TBC1D8B: variants seen among roughly 807,000 people sequenced by gnomAD.
The protein encoded by TBC1D8B is RP11-321G1.1.
Under a neutral mutation model 82.9 loss-of-function variants are expected in TBC1D8B, and 75 were observed. The ratio of observed to expected loss-of-function variants is 0.90; its 90% CI spans 0.75 to 1.10. TBC1D8B has a LOEUF of 1.10. TBC1D8B is among the 50% of genes least tolerant of loss of function. The pLI, the probability that TBC1D8B is intolerant of heterozygous loss-of-function variation, is 0.00. For synonymous variants in TBC1D8B, 276 were observed against 276.8 expected, an observed-to-expected ratio of 1.00 and a Z score of 0.03; for missense variants, 794 against 796.9, an observed-to-expected ratio of 1.00 and a Z score of 0.04.
At position 106,832,867 on chromosome X, in the gene TBC1D8B, G is replaced by C. The variant is rs370108507; in HGVS notation, c.1203+5530G>C. On this transcript the variant is annotated intron_variant, in intron 7 of 20. Transcript: ENST00000357242. ...TAACCAACATAACTGATTTTTTCTT[G>C]CCTTGATAAGAATAAGGTGCTTCCT... Among the ~76,000 whole-genome samples the C allele has an allele frequency of 6.3e-5, 7 of 110,611 alleles. No homozygotes were observed. The East Asian group carries it at 2.0e-3, about 31-fold the overall frequency.
chrX:106,813,763 G>A (rs1446234118), intron 1 of TBC1D8B: 2 of 111,143 alleles, frequency 1.8e-5, no homozygotes, highest in African/African-American at 6.5e-5. Flanking sequence ...TCTTTTGGTT[G>A]TCTTTTGCGA....
At chrX:106,847,610 G>A (rs944914608) in intron 10 of TBC1D8B, among the ~76,000 whole-genome samples, 15 of 111,480 alleles carry the variant, frequency 1.3e-4, no homozygotes, top group African/African-American at 4.9e-4. Context: ...AGTGGGAATG[G>A]GAAGGAAAAA....
chrX:106,873,603 A>G lies in TBC1D8B; in HGVS notation c.3001A>G (p.Asn1001Asp). 8.3e-7 allele frequency: 1 copy of G among 1,206,408 alleles called. No individual in the cohort carries two copies. The highest frequency in any genetic ancestry group is 1.1e-6 in the Non-Finnish European group (1 of 893,687). The change falls in exon 21 of 21, where the codon AAC becomes GAC. Residue 1001 changes from asparagine to aspartate, a missense_variant. Transcript: ENST00000357242. ...QFIQFSKTLY[N>D]LFHEDPEEES... Reference sequence around the variant, plus strand: ...TATTCAGTTTTCAAAGACCCTCTATAACTTATTTCATGAGGACCCTGAAGA... The same window carrying G: ...TATTCAGTTTTCAAAGACCCTCTATGACTTATTTCATGAGGACCCTGAAGA...
At position 106,854,269 on chromosome X, in the gene TBC1D8B, C is replaced by A; in HGVS notation, c.2325C>A (p.Thr775=). Residue 775 remains threonine, a synonymous_variant, in exon 14 of 21, where the codon ACC becomes ACA. Coordinates refer to ENST00000357242, the MANE Select transcript of TBC1D8B (RefSeq NM_017752.3). ...RCRNRLYVIQ[T]LEETTKQNVL... ...GAAATAGGTTGTATGTGATACAGAC[C>A]CTAGAGGAAACAACAAAACAGAATG... is the stretch of plus-strand genomic sequence containing the variant. 8.5e-7 allele frequency: 1 copy of A among 1,181,639 alleles called. No individual in the cohort carries two copies. Among genetic ancestry groups the A allele is most frequent in the Non-Finnish European group, 1.1e-6 (1 of 882,264 alleles).
intron 16 of TBC1D8B, among the ~76,000 whole-genome samples, chrX:106,866,273 A>G (rs1051393447): frequency 1.8e-5 from 2 of 111,610 alleles, no homozygotes; most frequent in African/African-American, 6.5e-5. Context: ...TAAGGAAGAT[A>G]ACGTCCCAAT....
chrX:106,834,401 G>A (rs1008893452), intron 7 of TBC1D8B, among the ~76,000 whole-genome samples: 1 of 111,182 alleles, frequency 9.0e-6, no homozygotes, highest in East Asian at 2.8e-4. Flanking sequence ...CCCTTGACAC[G>A]TGGGGATTAT....
intron 1 of TBC1D8B, among the ~76,000 whole-genome samples, chrX:106,810,777 C>T (rs1363926228): frequency 1.8e-5 from 2 of 111,514 alleles, no homozygotes; most frequent in Non-Finnish European, 3.8e-5. Flanking sequence ...CTGTGTGCTC[C>T]CCTCCCTCCC....
chrX:106,870,156 G>A (rs1393507090), intron 19 of TBC1D8B, among the ~76,000 whole-genome samples: 4 of 110,953 alleles, frequency 3.6e-5, no homozygotes, highest in African/African-American at 9.9e-5. Context: ...TCAGCATCCC[G>A]AGTAGCTGGG....
intron 10 of TBC1D8B, among the ~76,000 whole-genome samples, chrX:106,845,674 C>A (rs1258345399): frequency 9.0e-6 from 1 of 111,595 alleles, no homozygotes; most frequent in Non-Finnish European, 1.9e-5. Context: ...AGAATACATA[C>A]AACTGTGAGT....
chrX:106,823,196 A>G (rs1837935636), intron 4 of TBC1D8B, 30 bp from the exon 5 acceptor site: 13 of 1,172,943 alleles, frequency 1.1e-5, no homozygotes, highest in African/African-American at 1.8e-5. Context: ...TGAAAATTTA[A>G]TCATACCTGC....
chrX:106,816,247 A>G (rs11092572), intron 1 of TBC1D8B, among the ~76,000 whole-genome samples: 6,805 of 111,459 alleles, frequency 0.061, 550 homozygotes, highest in African/African-American at 0.21. Flanking sequence ...AAAAATCACA[A>G]GCATTCTTAT....
chrX:106,869,466 A>C lies in TBC1D8B; in HGVS notation c.2813-19A>C, dbSNP rs186111079. The C allele has an allele frequency of 8.3e-7, 1 of 1,199,601 alleles. No homozygotes were observed. Among genetic ancestry groups the C allele is most frequent in the Non-Finnish European group, 1.1e-6 (1 of 886,147 alleles). The stretch of plus-strand genomic sequence containing the variant: ...TTTGTTAAACATCTTACAGAATGCA[A>C]TTACATCTTTTCTTATAGTTTCCAA... On this transcript the variant is annotated intron_variant, in intron 18 of 20. Coordinates refer to ENST00000357242, the MANE Select transcript of TBC1D8B (RefSeq NM_017752.3).
At chrX:106,830,711 C>T (rs1486756236) in intron 7 of TBC1D8B, among the ~76,000 whole-genome samples, 2 of 102,204 alleles carry the variant, frequency 2.0e-5, no homozygotes, top group African/African-American at 3.6e-5. Context: ...AACCAAACAC[C>T]GCATATTCTC....
rs762622721 is a variant in TBC1D8B at position 106,860,593 on chromosome X, TTG to T, written c.2353-4962_2353-4961del. 2.2e-4 allele frequency among the ~76,000 whole-genome samples: 24 copies of T among 110,793 alleles called. No individual in the cohort carries two copies. In the Admixed American group the frequency reaches 2.2e-3, roughly 10 times the overall value. ...GGTAATGTCTCTTTGTCATTTCTGA[TTG>T]TGTCTATTTGTATCGTCTCTTTTTT... On this transcript the variant is annotated intron_variant, in intron 14 of 20. Coordinates refer to ENST00000357242, the MANE Select transcript of TBC1D8B (RefSeq NM_017752.3).
chrX:106,849,218 G>GTT, intron 11 of TBC1D8B: 1 of 851,141 alleles, frequency 1.2e-6, no homozygotes, highest in Non-Finnish European at 1.6e-6. Flanking sequence ...AATTATTTGT[G>GTT]TATTTTTTTT....
intron 3 of TBC1D8B, 128 bp from the exon 4 acceptor site, chrX:106,821,849 C>A: frequency 1.8e-6 from 1 of 556,958 alleles, no homozygotes; most frequent in Non-Finnish European, 2.8e-6. Flanking sequence ...TTGGTTGAAT[C>A]CATGGATGAG....
In TBC1D8B at chrX:106,823,425, T is replaced by G; in HGVS notation, c.786T>G (p.Asp262Glu). ...IRRLFDKETF[D>E]NDPVLYNPLQ... ...GACTTTTTGATAAGGAAACATTTGA[T>G]AATGACCCAGTCCTTTATAATCCTC... Residue 262 changes from aspartate to glutamate, a missense_variant, in exon 5 of 21, where the codon GAT becomes GAG. Asp to Glu is a conservative substitution (Grantham distance 45). Transcript: ENST00000357242. 3 of 1,210,425 alleles carry G rather than the reference T, an allele frequency of 2.5e-6. No individual in the cohort carries two copies. The highest frequency in any genetic ancestry group is 2.2e-6 in the Non-Finnish European group (2 of 894,510).
intron 1 of TBC1D8B, among the ~76,000 whole-genome samples, chrX:106,806,681 T>A (rs774225330): frequency 9.0e-6 from 1 of 111,491 alleles, no homozygotes; most frequent in African/African-American, 3.3e-5. Context: ...TCTTCAGTGT[T>A]AGATTGATAA....
chrX:106,834,752 A>AATCCAGCG (rs1278549132), intron 7 of TBC1D8B, among the ~76,000 whole-genome samples: 1 of 112,097 alleles, frequency 8.9e-6, no homozygotes, highest in Non-Finnish European at 1.9e-5. Flanking sequence ...ACAAGTCTGA[A>AATCCAGCG]ATCCAGCGGG....
Sources: gnomAD v4.1 joint callset for allele counts (sites outside exome capture counted in the v4.1 genomes callset) on GRCh38, gnomAD v4.1.1 for gene constraint, MANE v1.5 for transcripts, NCBI Gene and HGNC (gene_info 2026-07-23, HGNC 2026-07-21) for gene names.